The following CAPN13 variants were observed in gnomAD, a reference collection of about 807,000 sequenced individuals.
CAPN13 encodes the protein calpain 13.
Under a neutral mutation model 98.4 loss-of-function variants are expected in CAPN13, and 90 were observed. The observed-to-expected ratio is 0.92, with a 90% confidence interval of 0.77 to 1.09. The LOEUF (loss-of-function observed/expected upper bound fraction) is 1.09. Ranked by LOEUF, CAPN13 falls within the 50% of genes least tolerant of loss-of-function variation. The probability of loss-of-function intolerance (pLI) is 0.00; values close to 1 mark genes in which losing one functional copy is unlikely to be tolerated. For synonymous variants in CAPN13, 330 were observed against 305.5 expected (o/e 1.08, Z -0.84); for missense variants, 887 against 841.3 (o/e 1.05, Z -0.67).
At chr2:30,774,450 T>C (rs1673581470) in intron 4 of CAPN13, among the ~76,000 whole-genome samples, 2 of 152,020 alleles carry the variant, frequency 1.3e-5, no homozygotes, top group African/African-American at 2.4e-5. Flanking sequence ...AAAGGAAAAG[T>C]AAAAATACAG....
intron 1 of CAPN13, among the ~76,000 whole-genome samples, chr2:30,788,365 C>A (rs1164188983): frequency 6.6e-6 from 1 of 152,182 alleles, no homozygotes; most frequent in Non-Finnish European, 1.5e-5. Context: ...CTTGAGTTGA[C>A]AAGGAAGGCT....
chr2:30,789,669 A>G (rs1674504003), intron 1 of CAPN13, among the ~76,000 whole-genome samples: 1 of 152,230 alleles, frequency 6.6e-6, no homozygotes, highest in Non-Finnish European at 1.5e-5. Flanking sequence ...TACACATGTT[A>G]TAGGGTTGTT....
At chr2:30,782,054 A>G (rs1322489546) in intron 2 of CAPN13, among the ~76,000 whole-genome samples, 1 of 152,118 alleles carries the variant, frequency 6.6e-6, no homozygotes, top group African/African-American at 2.4e-5. Context: ...AATCTGTGTT[A>G]TATTAGGTAT....
Position 30,804,895 on chromosome 2 carries a change from A to T in CAPN13, c.-33+2407T>A, listed in dbSNP as rs115188005. On this transcript the variant is annotated intron_variant, in intron 1 of 22. Transcript: ENST00000295055. ...TGGGAGAAAGAGGTGACATCTAGGC[A>T]GGAACATTAGTGCTGTACGCAGTGT... Among the ~76,000 whole-genome samples the T allele has an allele frequency of 2.0e-3, 303 of 152,356 alleles. 2 individuals carry two copies. The highest frequency in any genetic ancestry group is 7.0e-3 in the African/African-American group (290 of 41,584).
rs1672157025 is a variant in CAPN13, at chr2:30,751,160, T to C, written c.1179A>G (p.Thr393=). The C allele has an allele frequency of 1.2e-6, 2 of 1,613,894 alleles. No homozygotes were observed. Among genetic ancestry groups the C allele is most frequent in the African/African-American group, 2.7e-5 (2 of 75,044 alleles). The part of the protein sequence containing the change: ...NVVVCVTVAV[T]PSNLKAEDAK... ...CATCTTCTGCTTTCAAATTTGATGG[T>C]GTGACAGCAACTGTGACGCACACGA... Residue 393 remains threonine, a synonymous_variant, in exon 11 of 23, where the codon ACA becomes ACG. Coordinates refer to ENST00000295055, the MANE Select transcript of CAPN13 (RefSeq NM_144575.3).
intron 1 of CAPN13, among the ~76,000 whole-genome samples, chr2:30,800,985 G>C (rs936145132): frequency 6.6e-6 from 1 of 152,158 alleles, no homozygotes. Flanking sequence ...CCTTGAAGGA[G>C]AGATGCACTT....
intron 1 of CAPN13, among the ~76,000 whole-genome samples, chr2:30,794,554 C>T (rs1674761283): frequency 6.6e-6 from 1 of 151,780 alleles, no homozygotes; most frequent in Non-Finnish European, 1.5e-5. Flanking sequence ...TAGGAATTTA[C>T]CCAAGAGAAA....
intron 1 of CAPN13, among the ~76,000 whole-genome samples, chr2:30,794,827 T>C (rs1183266367): frequency 6.6e-6 from 1 of 151,904 alleles, no homozygotes; most frequent in African/African-American, 2.4e-5. Flanking sequence ...ATCCTAGAAA[T>C]GCAAACTAAT....
At chr2:30,755,822 T>C (rs1294961901) in intron 8 of CAPN13, among the ~76,000 whole-genome samples, 1 of 152,324 alleles carries the variant, frequency 6.6e-6, no homozygotes, top group African/African-American at 2.4e-5. Context: ...TTTTCTGCAA[T>C]GTGTGAGGGA....
At position 30,776,003 on chromosome 2, in the gene CAPN13, TTCTG is replaced by T; in HGVS notation, c.310_313del (p.Gln104ThrfsTer9). On this transcript the variant is annotated frameshift_variant, in exon 4 of 23. Transcript: ENST00000295055. LOFTEE classifies it high-confidence loss of function. ...CAGGATCTTCTGCCTGTACTGTGGG[TTCTG>T]AGTCAAGGATCCCAGTGCTGCCAGG... 6.2e-7 allele frequency: 1 copy of T among 1,613,138 alleles called. No homozygotes were observed. The highest frequency in any genetic ancestry group is 1.7e-5 in the Admixed American group (1 of 59,936).
At chr2:30,798,439 T>C (rs554282302) in intron 1 of CAPN13, among the ~76,000 whole-genome samples, 11 of 152,186 alleles carry the variant, frequency 7.2e-5, no homozygotes, top group Non-Finnish European at 1.5e-4. Flanking sequence ...AGTGTCATAT[T>C]TTGGGCACTA....
intron 8 of CAPN13, among the ~76,000 whole-genome samples, chr2:30,756,013 G>A (rs573272150): frequency 4.6e-5 from 7 of 152,010 alleles, no homozygotes; most frequent in Non-Finnish European, 8.8e-5. Context: ...TGCAGTCCCC[G>A]TCACTTCCTT....
At chr2:30,735,456 A>G (rs994877229) in intron 18 of CAPN13, among the ~76,000 whole-genome samples, 4 of 152,244 alleles carry the variant, frequency 2.6e-5, no homozygotes, top group African/African-American at 9.6e-5. Flanking sequence ...GCTTTTGGTG[A>G]GTGCAAGGAC....
intron 1 of CAPN13, among the ~76,000 whole-genome samples, chr2:30,794,151 A>AT (rs1289408362): frequency 6.6e-6 from 1 of 151,808 alleles, no homozygotes; most frequent in Non-Finnish European, 1.5e-5. Context: ...TGCAGCACGT[A>AT]TATCAGACAA....
chr2:30,765,751 C>G (rs190261865), intron 5 of CAPN13, among the ~76,000 whole-genome samples: 1 of 152,330 alleles, frequency 6.6e-6, no homozygotes, highest in South Asian at 2.1e-4. Flanking sequence ...GACTCTGCCC[C>G]GGGCACGAAT....
intron 12 of CAPN13, among the ~76,000 whole-genome samples, chr2:30,744,573 G>C (rs1019541891): frequency 6.6e-6 from 1 of 152,130 alleles, no homozygotes; most frequent in Non-Finnish European, 1.5e-5. Flanking sequence ...AGAGGTGTGT[G>C]GGCAGCATGC....
chr2:30,724,983 C>A (rs1044270898), intron 22 of CAPN13, among the ~76,000 whole-genome samples: 1 of 152,126 alleles, frequency 6.6e-6, no homozygotes, highest in Non-Finnish European at 1.5e-5. Context: ...GAGAAGGTGG[C>A]CCTTTCCTCA....
intron 5 of CAPN13, 124 bp downstream of exon 5, chr2:30,770,189 T>G: frequency 7.7e-7 from 1 of 1,302,078 alleles, no homozygotes; most frequent in Non-Finnish European, 1.1e-6. Context: ...CACGTGGTGA[T>G]TGTTTATGGA....
intron 2 of CAPN13, among the ~76,000 whole-genome samples, chr2:30,781,771 C>A (rs904509232): frequency 3.3e-5 from 5 of 152,082 alleles, no homozygotes; most frequent in African/African-American, 1.2e-4. Flanking sequence ...GTGAGCCAAT[C>A]CCTCCTAGTA....
Sources: gnomAD v4.1 joint callset for allele counts (sites outside exome capture counted in the v4.1 genomes callset) on GRCh38, gnomAD v4.1.1 for gene constraint, MANE v1.5 for transcripts, NCBI Gene and HGNC (gene_info 2026-07-23, HGNC 2026-07-21) for gene names.